CDH4: variants seen among roughly 807,000 people sequenced by gnomAD.
CDH4 encodes cadherin 4.
CDH4 carries 33 observed loss-of-function variants against 86.0 expected under a neutral mutation model. That is an observed-to-expected ratio of 0.38 (90% CI 0.29 to 0.51). The LOEUF is 0.51. Ranked by LOEUF, CDH4 falls within the 20% of genes least tolerant of loss-of-function variation. The pLI is 0.86. For missense variants in CDH4, 1,114 were observed against 1,307.4 expected (o/e 0.85, Z 2.28); for synonymous variants, 555 against 549.4 (o/e 1.01, Z -0.14).
At chr20:61,931,503 G>C (rs1431783890) in intron 13 of CDH4, among the ~76,000 whole-genome samples, 1 of 149,510 alleles carries the variant, frequency 6.7e-6, no homozygotes, top group Non-Finnish European at 1.5e-5. Flanking sequence ...CCTCCTGACT[G>C]GGGGGTCGCC....
At chr20:61,863,949 G>A (rs1176600449) in intron 6 of CDH4, among the ~76,000 whole-genome samples, 2 of 25,862 alleles carry the variant, frequency 7.7e-5, no homozygotes, top group Non-Finnish European at 2.8e-3. Context: ...GCCCTTGGGC[G>A]GGTGGACTGG....
intron 2 of CDH4, among the ~76,000 whole-genome samples, chr20:61,391,230 C>G (rs865880599): frequency 1.4e-4 from 22 of 152,034 alleles, no homozygotes; most frequent in Non-Finnish European, 1.2e-4. Context: ...CAATAATTTA[C>G]TCAAGTGGAC....
chr20:61,929,622 A>G lies in CDH4; in HGVS notation c.2019A>G (p.Gln673=). 6.2e-7 allele frequency: 1 copy of G among 1,613,776 alleles called. No individual in the cohort carries two copies. The highest frequency in any genetic ancestry group is 8.5e-7 in the Non-Finnish European group (1 of 1,179,962). The change falls in exon 13 of 16, where the codon CAA becomes CAG. Residue 673 remains glutamine (Q), a synonymous_variant. Transcript: ENST00000614565. The stretch of plus-strand genomic sequence containing the variant: ...GCTTTGCACCAGGTGACTATGCCCA[A>G]CTCAGCTTGCGCATCCTGTACCTGG... ...TITRLNGDYA[Q]LSLRILYLEA... is the part of the protein sequence containing the mutation.
chr20:61,509,655 G>A (rs1038930764), intron 2 of CDH4, among the ~76,000 whole-genome samples: 2 of 151,960 alleles, frequency 1.3e-5, no homozygotes, highest in Non-Finnish European at 2.9e-5. Context: ...CAGGGCTGAA[G>A]GCTAAGCCAG....
At position 61,518,291 on chromosome 20, in the gene CDH4, TC is replaced by T. The variant is rs2085839420; in HGVS notation, c.170-225269del. Among the ~76,000 whole-genome samples, 1 of 152,114 alleles carries T rather than the reference TC, an allele frequency of 6.6e-6. No homozygotes were observed. The highest frequency in any genetic ancestry group is 1.5e-5 in the Non-Finnish European group (1 of 68,018). On this transcript the variant is annotated intron_variant, in intron 2 of 15. Coordinates refer to ENST00000614565, the MANE Select transcript of CDH4 (RefSeq NM_001794.5). The surrounding 1 kb of genome is among the most constrained non-coding windows in gnomAD (Gnocchi z 6.3). ...TAATTCCCACTATAAAGTGGAGGAC[TC>T]CCAGGTGCAGAGATGGGCTCTTAAC...
chr20:61,529,465 T>C (rs2085936119), intron 2 of CDH4, among the ~76,000 whole-genome samples: 1 of 152,252 alleles, frequency 6.6e-6, no homozygotes, highest in Admixed American at 6.5e-5. Context: ...TAAATTCTAT[T>C]TGTTGCACAA....
At chr20:61,785,897 AG>A (rs1182413675) in intron 4 of CDH4, among the ~76,000 whole-genome samples, 1 of 152,174 alleles carries the variant, frequency 6.6e-6, no homozygotes, top group Non-Finnish European at 1.5e-5. Flanking sequence ...GTGGAGAATG[AG>A]GTAGGTTTCT....
chr20:61,601,667 G>A (rs2086602024), intron 2 of CDH4, among the ~76,000 whole-genome samples: 1 of 152,218 alleles, frequency 6.6e-6, no homozygotes, highest in African/African-American at 2.4e-5. Context: ...ACTGGGCCCT[G>A]TCTGGCCTTT....
chr20:61,657,842 C>G (rs147942645), intron 2 of CDH4, among the ~76,000 whole-genome samples: 2 of 152,216 alleles, frequency 1.3e-5, no homozygotes, highest in African/African-American at 4.8e-5. Flanking sequence ...ATAACCTAAT[C>G]CTTTAAAAAT....
intron 4 of CDH4, among the ~76,000 whole-genome samples, chr20:61,790,401 C>T (rs1979113022): frequency 6.6e-6 from 1 of 151,034 alleles, no homozygotes; most frequent in South Asian, 2.1e-4. Flanking sequence ...TCTACCCATC[C>T]CCTCATCTAC....
intron 2 of CDH4, among the ~76,000 whole-genome samples, chr20:61,629,777 G>A (rs1034936249): frequency 1.3e-5 from 2 of 152,178 alleles, no homozygotes; most frequent in African/African-American, 2.4e-5. Flanking sequence ...GAAGGTGCTC[G>A]GTGCCCAGCG....
intron 2 of CDH4, among the ~76,000 whole-genome samples, chr20:61,492,602 G>T (rs2085634463): frequency 6.6e-6 from 1 of 152,146 alleles, no homozygotes; most frequent in African/African-American, 2.4e-5. Flanking sequence ...TGAAGACTCA[G>T]ATAGATGGTG....
intron 2 of CDH4, among the ~76,000 whole-genome samples, chr20:61,494,118 G>A (rs748204584): frequency 6.6e-6 from 1 of 152,236 alleles, no homozygotes; most frequent in African/African-American, 2.4e-5. Flanking sequence ...GGAGCGCTCA[G>A]TGGGGCCGAG....
intron 2 of CDH4, among the ~76,000 whole-genome samples, chr20:61,298,373 A>T (rs1229325254): frequency 9.8e-6 from 1 of 102,320 alleles, no homozygotes; most frequent in Non-Finnish European, 2.4e-5. Flanking sequence ...AGGCCCCTCC[A>T]AGGGCTGAGG....
intron 7 of CDH4, among the ~76,000 whole-genome samples, chr20:61,878,928 A>G (rs1198655442): frequency 2.0e-5 from 3 of 152,224 alleles, no homozygotes; most frequent in Admixed American, 2.0e-4. Context: ...TCTGTGCTTA[A>G]TGTTCAGAGC....
At chr20:61,326,114 G>A (rs2084535803) in intron 2 of CDH4, among the ~76,000 whole-genome samples, 2 of 152,222 alleles carry the variant, frequency 1.3e-5, no homozygotes, top group Admixed American at 1.3e-4. Flanking sequence ...AAATAGAGTG[G>A]AGGATGGAGT....
rs987248077 is a variant in CDH4 at position 61,902,467 on chromosome 20, C to T, written c.1188+7420C>T. 8.5e-5 allele frequency among the ~76,000 whole-genome samples: 13 copies of T among 152,272 alleles called. No homozygotes were observed. The highest frequency in any genetic ancestry group is 2.4e-4 in the African/African-American group (10 of 41,474). ...AAGGGCAGATCCACAGAGGAGCGTGCGGGGCCCCACCTTCCCAGGGATTTG... is the reference window on the plus strand; with the variant it reads ...AAGGGCAGATCCACAGAGGAGCGTGTGGGGCCCCACCTTCCCAGGGATTTG... On this transcript the variant is annotated intron_variant, in intron 8 of 15. Transcript: ENST00000614565. This position sits in a 1 kb window ranked among gnomAD's most constrained non-coding sequence, Gnocchi z 4.6.
chr20:61,934,305 C>T, intron 15 of CDH4, 85 bp downstream of exon 15: 1 of 1,413,410 alleles, frequency 7.1e-7, no homozygotes, highest in Non-Finnish European at 9.4e-7. Context: ...AAGCCATCTC[C>T]ACAGTGCCGG....
chr20:61,319,156 T>TGCTTTACA (rs1331623749), intron 2 of CDH4, among the ~76,000 whole-genome samples: 1 of 151,768 alleles, frequency 6.6e-6, no homozygotes, highest in East Asian at 1.9e-4. Flanking sequence ...AGCATAATAA[T>TGCTTTACA]ATAACATATA....
Sources: gnomAD v4.1 joint callset for allele counts (sites outside exome capture counted in the v4.1 genomes callset) on GRCh38, gnomAD v4.1.1 for gene constraint, Gnocchi (gnomAD v3.1) non-coding constraint, MANE v1.5 for transcripts, NCBI Gene and HGNC (gene_info 2026-07-23, HGNC 2026-07-21) for gene names.